The following MTCL3 variants were observed in gnomAD, a reference collection of about 807,000 sequenced individuals.
MTCL3 encodes the protein microtubule cross-linking factor 3.
the MTCL3 span, among the ~76,000 whole-genome samples, chr6:127,500,015 G>A: frequency 1.3e-5 from 2 of 152,092 alleles, no homozygotes; most frequent in African/African-American, 4.8e-5. Context: ...TCTCGGGGTG[G>A]TGATGGTTTC....
chr6:127,484,021 C>T, the MTCL3 span, among the ~76,000 whole-genome samples: 1 of 152,094 alleles, frequency 6.6e-6, no homozygotes, highest in Non-Finnish European at 1.5e-5. Flanking sequence ...AAAAATAGTG[C>T]TTGCCACATG....
chr6:127,493,826 A>T, the MTCL3 span, among the ~76,000 whole-genome samples: 1 of 152,218 alleles, frequency 6.6e-6, no homozygotes. Flanking sequence ...TTATTTTTTT[A>T]AATTAAAGAA....
the MTCL3 span, among the ~76,000 whole-genome samples, chr6:127,499,005 A>C: frequency 6.4e-4 from 98 of 152,294 alleles, no homozygotes; most frequent in African/African-American, 2.3e-3. Flanking sequence ...ATGGTTGCAT[A>C]ACTTTGCATA....
chr6:127,507,842 C>CAA, the MTCL3 span, among the ~76,000 whole-genome samples: 58 of 82,062 alleles, frequency 7.1e-4, 1 homozygote, highest in African/African-American at 1.1e-3. Flanking sequence ...GACTATGTCT[C>CAA]AAAAAAAAAA....
At chr6:127,474,967 T>C in the MTCL3 span, among the ~76,000 whole-genome samples, 1 of 152,088 alleles carries the variant, frequency 6.6e-6, no homozygotes, top group Non-Finnish European at 1.5e-5. Flanking sequence ...CAGAGAAAAA[T>C]ATTGACCTTC....
the MTCL3 span, among the ~76,000 whole-genome samples, chr6:127,490,556 C>T: frequency 6.6e-6 from 1 of 151,554 alleles, no homozygotes; most frequent in African/African-American, 2.4e-5. Flanking sequence ...CAGTGGCTCA[C>T]GCCTGTAATC....
At chr6:127,476,109 G>A in the MTCL3 span, 14 of 1,613,986 alleles carry the variant, frequency 8.7e-6, no homozygotes, top group Admixed American at 6.7e-5. The surrounding 1 kb of genome is among the most constrained non-coding windows in gnomAD (Gnocchi z 4.4). Flanking sequence ...ACAGGGATTC[G>A]CTCTGCTCCC....
chr6:127,508,612 G>A, the MTCL3 span, among the ~76,000 whole-genome samples: 1 of 152,156 alleles, frequency 6.6e-6, no homozygotes, highest in South Asian at 2.1e-4. Flanking sequence ...TTGTGTATGG[G>A]TGAGGTATGA....
At chr6:127,499,476 T>A in the MTCL3 span, among the ~76,000 whole-genome samples, 1 of 152,076 alleles carries the variant, frequency 6.6e-6, no homozygotes, top group Non-Finnish European at 1.5e-5. Flanking sequence ...TAGTAAGGAA[T>A]ACAAAGCAAA....
At chr6:127,476,624 C>G in the MTCL3 span, among the ~76,000 whole-genome samples, 2 of 152,142 alleles carry the variant, frequency 1.3e-5, no homozygotes, top group African/African-American at 4.8e-5. The surrounding 1 kb of genome is among the most constrained non-coding windows in gnomAD (Gnocchi z 4.4). Context: ...TTCTTCAGAT[C>G]ACTTAAATTC....
the MTCL3 span, among the ~76,000 whole-genome samples, chr6:127,490,196 T>A: frequency 6.6e-6 from 1 of 152,070 alleles, no homozygotes; most frequent in African/African-American, 2.4e-5. Flanking sequence ...TACAGCACAG[T>A]TTACCAAATA....
the MTCL3 span, among the ~76,000 whole-genome samples, chr6:127,481,112 G>A: frequency 2.6e-5 from 4 of 152,222 alleles, no homozygotes; most frequent in Non-Finnish European, 5.9e-5. Flanking sequence ...ATAGTGAGTG[G>A]AGGTCCATAA....
the MTCL3 span, among the ~76,000 whole-genome samples, chr6:127,490,281 C>G: frequency 6.6e-6 from 1 of 152,120 alleles, no homozygotes; most frequent in South Asian, 2.1e-4. Context: ...GTTGATAATG[C>G]ACTTGGTCAA....
chr6:127,476,391 C>G, the MTCL3 span: 123 of 1,613,750 alleles, frequency 7.6e-5, no homozygotes, highest in Non-Finnish European at 1.0e-4. This position sits in a 1 kb window ranked among gnomAD's most constrained non-coding sequence, Gnocchi z 4.4. Flanking sequence ...CTTTATCAAT[C>G]TTGGCCATTT....
the MTCL3 span, chr6:127,514,982 G>C: frequency 2.4e-5 from 39 of 1,614,040 alleles, no homozygotes; most frequent in Admixed American, 6.5e-4. Context: ...GCAGTTGACA[G>C]GCATCCTCCT....
chr6:127,503,952 A>G, the MTCL3 span, among the ~76,000 whole-genome samples: 1 of 152,058 alleles, frequency 6.6e-6, no homozygotes. Context: ...TTGTTTATCA[A>G]CTTTGTGCCC....
the MTCL3 span, among the ~76,000 whole-genome samples, chr6:127,505,920 A>C: frequency 1.3e-5 from 2 of 152,160 alleles, no homozygotes; most frequent in Non-Finnish European, 2.9e-5. Context: ...TAGTAATGAA[A>C]CTGAATTTTA....
the MTCL3 span, chr6:127,476,565 G>A: frequency 2.0e-6 from 2 of 994,508 alleles, no homozygotes; most frequent in Non-Finnish European, 2.9e-6. This position sits in a 1 kb window ranked among gnomAD's most constrained non-coding sequence, Gnocchi z 4.4. Flanking sequence ...AATTTTTCTT[G>A]CAATCCAGAT....
chr6:127,512,829 T>C, the MTCL3 span: 2 of 1,481,842 alleles, frequency 1.3e-6, no homozygotes, highest in African/African-American at 1.4e-5. Context: ...ATATTAGTCC[T>C]TGGGATTCTT....
Sources: allele counts gnomAD v4.1 joint callset (sites outside exome capture counted in the v4.1 genomes callset), GRCh38; gene constraint gnomAD v4.1.1; non-coding constraint Gnocchi (gnomAD v3.1); transcripts MANE v1.5; gene names NCBI Gene and HGNC (gene_info 2026-07-23, HGNC 2026-07-21).